EMILIN2: variants seen among roughly 807,000 people sequenced by gnomAD.
EMILIN2 encodes the protein EMILIN-2.
A neutral mutation model predicts 87.1 loss-of-function variants in EMILIN2; 71 were observed. That is an observed-to-expected ratio of 0.82 (90% CI 0.67 to 0.99). The LOEUF (loss-of-function observed/expected upper bound fraction) is 0.99, where lower values mean the gene tolerates loss of function less well. Among genes scored for constraint, EMILIN2 ranks in the 50% least tolerant of loss-of-function variants. The pLI is 0.00. For missense variants in EMILIN2, 1,407 were observed against 1,371.8 expected (o/e 1.03, Z -0.40); for synonymous variants, 581 against 563.4 (o/e 1.03, Z -0.44).
At chr18:2,871,297 G>T (rs57328510) in intron 2 of EMILIN2, among the ~76,000 whole-genome samples, 6,650 of 152,114 alleles carry the variant, frequency 0.044, 495 homozygotes, top group African/African-American at 0.15. Context: ...GCCTGGCCTC[G>T]AACTCCTGGG....
chr18:2,860,002 G>T (rs575736427), intron 2 of EMILIN2, among the ~76,000 whole-genome samples: 1 of 152,286 alleles, frequency 6.6e-6, no homozygotes, highest in African/African-American at 2.4e-5. Context: ...GTCAGATAAT[G>T]TGATGCCTCC....
intron 4 of EMILIN2, among the ~76,000 whole-genome samples, chr18:2,897,739 G>GTGAT (rs1358891949): frequency 2.0e-5 from 3 of 152,000 alleles, no homozygotes; most frequent in Non-Finnish European, 2.9e-5. Flanking sequence ...ATGTGCACCT[G>GTGAT]TGATTCCACC....
At chr18:2,889,262 C>T (rs1421471415) in intron 3 of EMILIN2, among the ~76,000 whole-genome samples, 1 of 151,274 alleles carries the variant, frequency 6.6e-6, no homozygotes, top group Non-Finnish European at 1.5e-5. Flanking sequence ...CTCAGCCTCC[C>T]TAGTAGCTGG....
At chr18:2,907,645 G>A (rs1283756459) in intron 5 of EMILIN2, among the ~76,000 whole-genome samples, 1 of 152,220 alleles carries the variant, frequency 6.6e-6, no homozygotes, top group Non-Finnish European at 1.5e-5. Flanking sequence ...TACTGTCGTG[G>A]TGACAGTGGG....
intron 2 of EMILIN2, among the ~76,000 whole-genome samples, chr18:2,865,978 C>T (rs531175168): frequency 7.3e-4 from 111 of 152,314 alleles, no homozygotes; most frequent in Non-Finnish European, 1.4e-3. Flanking sequence ...TAGCAATGAG[C>T]GAGGCTTCAT....
chr18:2,908,943 G>T lies in EMILIN2; in HGVS notation c.2663G>T (p.Gly888Val). The change falls in exon 6 of 8, where the codon GGA (glycine) becomes GTA (valine). Residue 888 changes from glycine (G) to valine (V), a missense_variant and splice_region_variant. Physicochemically the swap from Gly to Val is moderately radical, Grantham distance 109. Transcript: ENST00000254528. ...ATGCCATTTCCTTTCTGTTTTTCAG[G>T]ATACCCGAAGTCACCTCCTGTAGCT... ...PGAEGFAGAP[G>V]YPKSPPVASP... The T allele has an allele frequency of 6.2e-7, 1 of 1,613,640 alleles. No individual in the cohort carries two copies. Among genetic ancestry groups the T allele is most frequent in the Non-Finnish European group, 8.5e-7 (1 of 1,180,026 alleles).
chr18:2,855,853 AC>A (rs1697964056), intron 2 of EMILIN2, among the ~76,000 whole-genome samples: 1 of 152,220 alleles, frequency 6.6e-6, no homozygotes. Context: ...TTGCGCTGTC[AC>A]ACTAACGTAC....
In EMILIN2 at chr18:2,876,084, C is replaced by T. The variant is rs148504355; in HGVS notation, c.258-8880C>T. On this transcript the variant is annotated intron_variant, in intron 2 of 7. Transcript: ENST00000254528. ...GCAACCTCTGCCTCCTGGGTTCAAG[C>T]GATTCTCCTGCCTCAGCCTCCTGAG... 6.9e-3 allele frequency among the ~76,000 whole-genome samples: 1,031 copies of T among 149,958 alleles called. 10 individuals are homozygous for T. Among genetic ancestry groups the T allele is most frequent in the African/African-American group, 0.024 (989 of 40,662 alleles).
At position 2,913,647 on chromosome 18, in the gene EMILIN2, TTGGA is replaced by T; in HGVS notation, c.*244_*247del. The stretch of plus-strand genomic sequence containing the variant: ...CACTCTAACTGGACAACTGGAAGAC[TTGGA>T]AAGGCCTCCACCTGTATCTACACTC... On this transcript the variant is annotated 3_prime_UTR_variant, in exon 8 of 8. Transcript: ENST00000254528. 2 of 383,294 alleles carry T rather than the reference TTGGA, an allele frequency of 5.2e-6. No individual in the cohort carries two copies. The highest frequency in any genetic ancestry group is 5.0e-5 in the South Asian group (1 of 20,076). 23.7% of individuals were successfully genotyped at this position (383,294 alleles called of 1,614,324 possible).
At chr18:2,857,741 C>A (rs2076635191) in intron 2 of EMILIN2, among the ~76,000 whole-genome samples, 2 of 152,190 alleles carry the variant, frequency 1.3e-5, no homozygotes, top group Non-Finnish European at 2.9e-5. Context: ...CATTCCAGAA[C>A]CTTGAGTCCG....
Position 2,847,280 on chromosome 18 carries a change from G to T in EMILIN2, c.92G>T (p.Gly31Val). 4 of 1,317,012 alleles carry T rather than the reference G, an allele frequency of 3.0e-6. No homozygotes were observed. The highest frequency in any genetic ancestry group is 3.9e-6 in the Non-Finnish European group (4 of 1,036,242). 81.6% of individuals were successfully genotyped at this position (1,317,012 alleles called of 1,614,324 possible). A position where few individuals can be genotyped will look rare whatever the true frequency, so the allele number is the denominator to read the frequency against. The change falls in exon 1 of 8, where the codon GGC becomes GTC. Residue 31 changes from glycine to valine, a missense_variant. Physicochemically the swap from Gly to Val is moderately radical, Grantham distance 109. Transcript: ENST00000254528. The surrounding 1 kb of genome is among the most constrained non-coding windows in gnomAD (Gnocchi z 4.5). ...ALVGAGLCHA[G>V]PQPGYPARPS... ...GTTGGCGCGGGGCTGTGCCACGCCG[G>T]CCCGCAGCCCGGGTATCCCGCGCGG... is the stretch of plus-strand genomic sequence containing the variant.
intron 2 of EMILIN2, among the ~76,000 whole-genome samples, chr18:2,883,677 C>G (rs566344346): frequency 6.6e-6 from 1 of 152,294 alleles, no homozygotes; most frequent in African/African-American, 2.4e-5. Flanking sequence ...GGCCTTGAGT[C>G]TGGAGGACTT....
rs144409616 is a variant in EMILIN2 at position 2,891,097 on chromosome 18, G to T, written c.970G>T (p.Ala324Ser). ...YQAYVDSKID[A>S]LREELMEGMD... ...AGCCTATGTGGACAGTAAGATCGACGCCCTGAGAGAGGAGCTCATGGAGGG... is the reference window on the plus strand; with the variant it reads ...AGCCTATGTGGACAGTAAGATCGACTCCCTGAGAGAGGAGCTCATGGAGGG... The change falls in exon 4 of 8, where the codon GCC becomes TCC. Residue 324 changes from alanine (A) to serine (S), a missense_variant. By Grantham distance (99) the Ala-to-Ser change is moderately conservative (BLOSUM62 1). Transcript: ENST00000254528. This position sits in a 1 kb window ranked among gnomAD's most constrained non-coding sequence, Gnocchi z 4.6. 3 of 1,614,172 alleles carry T rather than the reference G, an allele frequency of 1.9e-6. No homozygotes were observed. The highest frequency in any genetic ancestry group is 1.7e-6 in the Non-Finnish European group (2 of 1,180,038).
intron 2 of EMILIN2, among the ~76,000 whole-genome samples, chr18:2,851,951 C>T (rs1306402363): frequency 6.6e-6 from 1 of 152,202 alleles, no homozygotes. Context: ...CTTGTGATCA[C>T]GTGAGGGTAG....
intron 2 of EMILIN2, among the ~76,000 whole-genome samples, chr18:2,858,555 A>ATG (rs1568454028): frequency 7.6e-5 from 4 of 52,300 alleles, no homozygotes; most frequent in Admixed American, 3.9e-4. Flanking sequence ...ATATATATAT[A>ATG]TATATATATA....
intron 2 of EMILIN2, among the ~76,000 whole-genome samples, chr18:2,855,130 C>A (rs1485535368): frequency 2.0e-5 from 3 of 152,198 alleles, no homozygotes; most frequent in African/African-American, 7.2e-5. Context: ...CAGACTGTTG[C>A]TATTTTGAGT....
At position 2,911,101 on chromosome 18, in the gene EMILIN2, G is replaced by A. The variant is rs186992229; in HGVS notation, c.2824+1282G>A. Reference sequence around the variant, plus strand: ...GGGGCATGAGGCAGAGTGAGACTGAGGCAAGTTTTAGAGCAGGAAGGAAAG... The same window carrying A: ...GGGGCATGAGGCAGAGTGAGACTGAAGCAAGTTTTAGAGCAGGAAGGAAAG... On this transcript the variant is annotated intron_variant, in intron 7 of 7. Coordinates refer to ENST00000254528, the MANE Select transcript of EMILIN2 (RefSeq NM_032048.3). Among the ~76,000 whole-genome samples the A allele has an allele frequency of 3.9e-5, 6 of 152,348 alleles. No homozygotes were observed. The East Asian group carries it at 1.2e-3, about 29-fold the overall frequency.
chr18:2,856,072 G>A (rs2076625653), intron 2 of EMILIN2, among the ~76,000 whole-genome samples: 1 of 152,142 alleles, frequency 6.6e-6, no homozygotes, highest in Admixed American at 6.6e-5. Context: ...GCTTGCCTAA[G>A]ATGAACTTTA....
chr18:2,876,457 A>G (rs181493025), intron 2 of EMILIN2, among the ~76,000 whole-genome samples: 1 of 151,904 alleles, frequency 6.6e-6, no homozygotes, highest in African/African-American at 2.4e-5. Context: ...TTGGTCTTAG[A>G]TCTGTTATTT....
Sources: gnomAD v4.1 joint callset for allele counts (sites outside exome capture counted in the v4.1 genomes callset) on GRCh38, gnomAD v4.1.1 for gene constraint, Gnocchi (gnomAD v3.1) non-coding constraint, MANE v1.5 for transcripts, NCBI Gene and HGNC (gene_info 2026-07-23, HGNC 2026-07-21) for gene names.